Variants in OCM observed in about 807,000 individuals in gnomAD.
OCM encodes the protein oncomodulin.
Under a neutral mutation model 14.1 loss-of-function variants are expected in OCM, and 18 were observed. That is an observed-to-expected ratio of 1.28 (90% CI 0.88 to 1.89). The LOEUF is 1.89. Ranked by LOEUF, OCM falls within the 40% of genes most tolerant of loss-of-function variation. OCM has a pLI of 0.00. For synonymous variants in OCM, 48 were observed against 51.0 expected (o/e 0.94, Z 0.25); for missense variants, 140 against 137.6 (o/e 1.02, Z -0.09).
At chr7:5,879,350 C>T (rs140073705), upstream of OCM, among the ~76,000 whole-genome samples, 648 of 152,178 alleles carry the variant, frequency 4.3e-3, 5 homozygotes, top group Non-Finnish European at 4.4e-3. Context: ...AGCTGGGAAA[C>T]GTCAAAGTCA....
At chr7:5,871,182 C>CCG in the OCM span, among the ~76,000 whole-genome samples, 1 of 147,010 alleles carries the variant, frequency 6.8e-6, no homozygotes, top group Admixed American at 6.9e-5. Context: ...GCCCCCCCCC[C>CCG]GTCTCTACAA....
upstream of OCM, among the ~76,000 whole-genome samples, chr7:5,878,385 A>G (rs1781139228): frequency 6.6e-6 from 1 of 152,024 alleles, no homozygotes; most frequent in African/African-American, 2.4e-5. Flanking sequence ...AGCTGAATAA[A>G]TTATAGAGAT....
upstream of OCM, among the ~76,000 whole-genome samples, chr7:5,877,685 T>C (rs1781121957): frequency 6.6e-6 from 1 of 151,158 alleles, no homozygotes; most frequent in Non-Finnish European, 1.5e-5. Flanking sequence ...CCAGGTGTGG[T>C]AGCATGTGCC....
the OCM span, among the ~76,000 whole-genome samples, chr7:5,868,587 A>G: frequency 7.7e-5 from 11 of 142,198 alleles, no homozygotes; most frequent in African/African-American, 1.4e-4. Flanking sequence ...AGTGAGGGGG[A>G]AAAAAGACAT....
chr7:5,886,124 T>C lies in OCM; in HGVS notation c.*35T>C, dbSNP rs371460297. On this transcript the variant is annotated 3_prime_UTR_variant, in exon 4 of 4. Transcript: ENST00000242104. ...TCTCTGGAGAAAAGAGAGAAAGGGA[T>C]AATCACCTGGAAGGATTCCAAAGCC... is the stretch of plus-strand genomic sequence containing the variant. The C allele has an allele frequency of 3.8e-6, 6 of 1,596,888 alleles. No individual in the cohort carries two copies. The African/African-American group carries it at 8.1e-5, about 21-fold the overall frequency.
At chr7:5,868,419 T>A in the OCM span, among the ~76,000 whole-genome samples, 1 of 152,082 alleles carries the variant, frequency 6.6e-6, no homozygotes, top group Admixed American at 6.6e-5. Flanking sequence ...AGTGCTGGGA[T>A]TACAGGTGTG....
At chr7:5,876,819 T>C (rs1479811976), upstream of OCM, among the ~76,000 whole-genome samples, 1 of 152,032 alleles carries the variant, frequency 6.6e-6, no homozygotes, top group African/African-American at 2.4e-5. Flanking sequence ...TTTTTTTTTT[T>C]TTTGAGATGG....
intron 1 of OCM, among the ~76,000 whole-genome samples, chr7:5,881,439 T>A (rs1375585362): frequency 1.3e-5 from 2 of 151,576 alleles, no homozygotes; most frequent in South Asian, 4.2e-4. Flanking sequence ...CTGGGCAACA[T>A]AGGAAGACTC....
upstream of OCM, among the ~76,000 whole-genome samples, chr7:5,877,490 A>G (rs1386876087): frequency 1.3e-5 from 2 of 151,696 alleles, no homozygotes; most frequent in African/African-American, 4.8e-5. Context: ...AAAATGAAAA[A>G]CAAACAAATA....
upstream of OCM, chr7:5,879,706 T>A (rs1238892729): frequency 6.6e-6 from 1 of 151,202 alleles, no homozygotes; most frequent in South Asian, 2.1e-4. Context: ...TGTTTTTTTT[T>A]TTTTTTTACA....
At chr7:5,875,968 C>T (rs955633405), upstream of OCM, among the ~76,000 whole-genome samples, 1 of 151,874 alleles carries the variant, frequency 6.6e-6, no homozygotes, top group Non-Finnish European at 1.5e-5. Flanking sequence ...ACTGAGCAGC[C>T]GGCACCACAG....
At chr7:5,881,609 G>A (rs1013226755) in intron 1 of OCM, among the ~76,000 whole-genome samples, 32 of 150,576 alleles carry the variant, frequency 2.1e-4, no homozygotes, top group African/African-American at 7.6e-4. Flanking sequence ...CAGCTTGGAC[G>A]ACAGAGTGAG....
intron 3 of OCM, among the ~76,000 whole-genome samples, chr7:5,884,656 T>C (rs1351114480): frequency 2.0e-5 from 3 of 151,688 alleles, no homozygotes; most frequent in African/African-American, 4.8e-5. Context: ...GCAGAACATA[T>C]GATGGTCCTT....
chr7:5,878,443 A>T (rs576990797), upstream of OCM, among the ~76,000 whole-genome samples: 1 of 151,606 alleles, frequency 6.6e-6, no homozygotes, highest in African/African-American at 2.4e-5. Context: ...TACTATACAT[A>T]CACTTAAAAA....
chr7:5,875,378 G>A (rs1238188486), upstream of OCM, among the ~76,000 whole-genome samples: 2 of 151,930 alleles, frequency 1.3e-5, no homozygotes, highest in Non-Finnish European at 2.9e-5. Context: ...TTGATGCTCA[G>A]ATTGCACATA....
chr7:5,867,565 C>A, the OCM span, among the ~76,000 whole-genome samples: 1 of 152,028 alleles, frequency 6.6e-6, no homozygotes, highest in Non-Finnish European at 1.5e-5. Flanking sequence ...GCCATTATTT[C>A]TTCAAATATT....
the OCM span, among the ~76,000 whole-genome samples, chr7:5,874,173 G>A: frequency 1.5e-5 from 2 of 130,296 alleles, no homozygotes; most frequent in Non-Finnish European, 3.1e-5. Flanking sequence ...GCAGTGAGCC[G>A]AGATCGCACC....
the OCM span, among the ~76,000 whole-genome samples, chr7:5,870,225 C>T: frequency 5.3e-5 from 8 of 152,092 alleles, no homozygotes; most frequent in African/African-American, 1.2e-4. Context: ...ATCCTCCCAC[C>T]TCAGGCTCCT....
chr7:5,870,123 TAATA>T, the OCM span, among the ~76,000 whole-genome samples: 10 of 146,642 alleles, frequency 6.8e-5, no homozygotes, highest in South Asian at 2.3e-4. Flanking sequence ...TATTATTTTA[TAATA>T]AATAATAAAA....
Sources: allele counts gnomAD v4.1 joint callset (sites outside exome capture counted in the v4.1 genomes callset), GRCh38; gene constraint gnomAD v4.1.1; transcripts MANE v1.5; gene names NCBI Gene and HGNC (gene_info 2026-07-23, HGNC 2026-07-21).